FERMT2: variants seen among roughly 807,000 people sequenced by gnomAD.
FERMT2 encodes the protein FERM domain containing kindlin 2, also known as fermitin family homolog 2.
Under a neutral mutation model 82.7 loss-of-function variants are expected in FERMT2, and 15 were observed. The observed-to-expected ratio is 0.18, with a 90% confidence interval of 0.12 to 0.28. FERMT2 has a LOEUF of 0.28. Ranked by LOEUF, FERMT2 falls within the 10% of genes least tolerant of loss-of-function variation. The pLI, the probability that FERMT2 is intolerant of heterozygous loss-of-function variation, is 1.00. For synonymous variants in FERMT2, 274 were observed against 271.5 expected (o/e 1.01, Z -0.09); for missense variants, 645 against 809.4 (o/e 0.80, Z 2.46).
chr14:52,883,151 TCAAACAAA>T (rs546675639), intron 4 of FERMT2, among the ~76,000 whole-genome samples: 59 of 152,042 alleles, frequency 3.9e-4, no homozygotes, highest in East Asian at 7.7e-4. Context: ...AGACTCTATC[TCAAACAAA>T]CAAACAAACA....
chr14:52,877,183 C>T (rs925076684), intron 7 of FERMT2, among the ~76,000 whole-genome samples: 2 of 152,096 alleles, frequency 1.3e-5, no homozygotes, highest in African/African-American at 4.8e-5. Flanking sequence ...AAACAATAAC[C>T]ATAAACATGT....
chr14:52,929,414 T>G (rs750359386), intron 2 of FERMT2, among the ~76,000 whole-genome samples: 1 of 152,168 alleles, frequency 6.6e-6, no homozygotes, highest in African/African-American at 2.4e-5. Flanking sequence ...TTCAGCGCTT[T>G]CATGCCATTC....
At chr14:52,931,065 C>T (rs62003542) in intron 2 of FERMT2, among the ~76,000 whole-genome samples, 15,532 of 152,064 alleles carry the variant, frequency 0.1, 937 homozygotes, top group Middle Eastern at 0.19. Context: ...CTTTAAAAAG[C>T]GAAAGAGGAG....
chr14:52,897,653 G>C (rs576343132), intron 3 of FERMT2, among the ~76,000 whole-genome samples: 1 of 152,106 alleles, frequency 6.6e-6, no homozygotes, highest in South Asian at 2.1e-4. Context: ...GTTTTGGTCA[G>C]GTTTTCTGTT....
chr14:52,925,307 G>GT (rs1889191770), intron 2 of FERMT2, among the ~76,000 whole-genome samples: 1 of 152,100 alleles, frequency 6.6e-6, no homozygotes, highest in Non-Finnish European at 1.5e-5. Context: ...ATCCCAGTAT[G>GT]TTGGGAGGCC....
At chr14:52,945,302 G>A (rs1055103798) in intron 2 of FERMT2, among the ~76,000 whole-genome samples, 2 of 151,916 alleles carry the variant, frequency 1.3e-5, no homozygotes, top group African/African-American at 4.8e-5. Flanking sequence ...CCAGGCTGGA[G>A]TGCAGTGGTG....
intron 8 of FERMT2, among the ~76,000 whole-genome samples, chr14:52,874,919 G>A (rs143817056): frequency 1.4e-3 from 208 of 152,242 alleles, no homozygotes; most frequent in African/African-American, 4.7e-3. Flanking sequence ...GCCAGGTGTG[G>A]TGGTGCATGG....
rs566864184 is a variant in FERMT2 at position 52,884,154 on chromosome 14, GTTC to G, written c.527-2688_527-2686del. 1.8e-4 allele frequency among the ~76,000 whole-genome samples: 28 copies of G among 152,306 alleles called. No homozygotes were observed. The South Asian group carries it at 5.2e-3, about 28-fold the overall frequency. On this transcript the variant is annotated intron_variant, in intron 4 of 14. Transcript: ENST00000341590. ...TCAATTCATACTTAATCACTTCGTT[GTTC>G]TTATTTGTTCTGTAGGCACTATGTG...
intron 6 of FERMT2, among the ~76,000 whole-genome samples, chr14:52,880,450 A>G (rs111867379): frequency 0.021 from 3,151 of 152,216 alleles, 98 homozygotes; most frequent in African/African-American, 0.071. Flanking sequence ...CCAGGCCGGA[A>G]TGCAGTGGCA....
chr14:52,871,878 C>A (rs191410161), intron 10 of FERMT2: 2 of 152,450 alleles, frequency 1.3e-5, no homozygotes, highest in Admixed American at 1.3e-4. Context: ...ACCAGTGAGA[C>A]TCAAGGTGTC....
chr14:52,858,642 C>G, intron 14 of FERMT2, 92 bp from the exon 15 acceptor site: 1 of 1,124,614 alleles, frequency 8.9e-7, no homozygotes, highest in East Asian at 2.4e-5. Flanking sequence ...TCTGTCATAT[C>G]ACAAAACACT....
chr14:52,927,819 T>C (rs899158676), intron 2 of FERMT2, among the ~76,000 whole-genome samples: 116 of 151,946 alleles, frequency 7.6e-4, no homozygotes, highest in African/African-American at 2.7e-3. Flanking sequence ...CCTTCAAACT[T>C]TGCACAGTGG....
chr14:52,940,903 G>A (rs138992303), intron 2 of FERMT2, among the ~76,000 whole-genome samples: 1,875 of 152,252 alleles, frequency 0.012, 24 homozygotes, highest in African/African-American at 0.032. Flanking sequence ...GTAAAGTGAC[G>A]TGGCCACTAT....
chr14:52,906,956 G>T (rs867458451), intron 3 of FERMT2, among the ~76,000 whole-genome samples: 1 of 137,900 alleles, frequency 7.3e-6, no homozygotes, highest in Admixed American at 7.2e-5. Flanking sequence ...TGGGGGGGGG[G>T]GGGGAATTTA....
chr14:52,858,614 C>T, intron 14 of FERMT2, 64 bp from the exon 15 acceptor site: 1 of 1,435,002 alleles, frequency 7.0e-7, no homozygotes, highest in Non-Finnish European at 9.7e-7. Flanking sequence ...CCACACAAAA[C>T]TACTGTGCTA....
At chr14:52,879,936 TTGTC>T (rs1886193394) in intron 6 of FERMT2, among the ~76,000 whole-genome samples, 1 of 152,316 alleles carries the variant, frequency 6.6e-6, no homozygotes, top group South Asian at 2.1e-4. Context: ...GTAACAGTGT[TTGTC>T]TGTTACAGAG....
intron 2 of FERMT2, among the ~76,000 whole-genome samples, chr14:52,937,477 T>C (rs1009968786): frequency 1.3e-5 from 2 of 152,188 alleles, no homozygotes; most frequent in African/African-American, 4.8e-5. Flanking sequence ...CCTGTCTCTC[T>C]TTAAATAAGG....
In FERMT2 at chr14:52,857,731, CAG is replaced by C. The variant is rs1884654665; in HGVS notation, c.*644_*645del. 6.6e-6 allele frequency: 1 copy of C among 152,548 alleles called. No individual in the cohort carries two copies. The highest frequency in any genetic ancestry group is 1.5e-5 in the Non-Finnish European group (1 of 68,044). The allele number at this position is 152,548 out of a possible 1,614,324, so 9.4% of individuals were successfully genotyped here. ...CAAAGAGTTGCATATTTTAGGCAGACAGTGATTATGCTGGTGAATACTAAAAG... is the reference window on the plus strand; with the variant it reads ...CAAAGAGTTGCATATTTTAGGCAGACTGATTATGCTGGTGAATACTAAAAG... On this transcript the variant is annotated 3_prime_UTR_variant, in exon 15 of 15. Coordinates refer to ENST00000341590, the MANE Select transcript of FERMT2 (RefSeq NM_006832.3).
At chr14:52,930,018 C>A (rs1889490086) in intron 2 of FERMT2, among the ~76,000 whole-genome samples, 1 of 152,090 alleles carries the variant, frequency 6.6e-6, no homozygotes, top group Non-Finnish European at 1.5e-5. Context: ...ACAATCTCAA[C>A]AAGAAACTTA....
Sources: allele counts gnomAD v4.1 joint callset (sites outside exome capture counted in the v4.1 genomes callset), GRCh38; gene constraint gnomAD v4.1.1; transcripts MANE v1.5; gene names NCBI Gene and HGNC (gene_info 2026-07-23, HGNC 2026-07-21).